Variants in MAST4 observed in about 807,000 individuals in gnomAD.
MAST4 encodes microtubule associated serine/threonine kinase family member 4.
In MAST4, 89 loss-of-function variants were observed where a neutral mutation model predicts 162.7. The ratio of observed to expected loss-of-function variants is 0.55; its 90% CI spans 0.46 to 0.65. The LOEUF is 0.65. Ranked by LOEUF, MAST4 falls within the 30% of genes least tolerant of loss-of-function variation. The pLI, the probability that MAST4 is intolerant of heterozygous loss-of-function variation, is 0.00. For missense variants in MAST4, 3,153 were observed against 3,374.0 expected (o/e 0.93, Z 1.62); for synonymous variants, 1,479 against 1,361.1 (o/e 1.09, Z -1.91).
At chr5:66,910,579 A>G (rs953420932) in intron 4 of MAST4, among the ~76,000 whole-genome samples, 1 of 152,094 alleles carries the variant, frequency 6.6e-6, no homozygotes, top group African/African-American at 2.4e-5. Flanking sequence ...CTTTTACTCC[A>G]TGTGGCCATA....
chr5:66,690,443 G>A (rs1490688885), intron 1 of MAST4, among the ~76,000 whole-genome samples: 1 of 152,156 alleles, frequency 6.6e-6, no homozygotes, highest in Non-Finnish European at 1.5e-5. Flanking sequence ...GAAAGGGCTT[G>A]CTGTATTTTT....
chr5:66,766,872 A>G (rs1279309301), intron 2 of MAST4, among the ~76,000 whole-genome samples: 1 of 152,210 alleles, frequency 6.6e-6, no homozygotes, highest in Non-Finnish European at 1.5e-5. Flanking sequence ...GCAAACCAGA[A>G]AATATCAATG....
intron 1 of MAST4, among the ~76,000 whole-genome samples, chr5:66,737,020 G>A (rs1324513978): frequency 6.6e-6 from 1 of 152,176 alleles, no homozygotes; most frequent in African/African-American, 2.4e-5. Flanking sequence ...ATATACTCAG[G>A]CCAGAGGACA....
At chr5:67,114,507 G>T (rs1489939966) in intron 12 of MAST4, 2 of 302,386 alleles carry the variant, frequency 6.6e-6, no homozygotes, top group Non-Finnish European at 1.2e-5. Flanking sequence ...TGCAATTTCA[G>T]TCTTCACTGA....
chr5:66,716,731 G>T (rs1750865966), intron 1 of MAST4, among the ~76,000 whole-genome samples: 1 of 152,174 alleles, frequency 6.6e-6, no homozygotes, highest in South Asian at 2.1e-4. Flanking sequence ...TTTCTCCAGG[G>T]CATCTGACCT....
intron 2 of MAST4, among the ~76,000 whole-genome samples, chr5:66,773,561 T>G (rs1212980904): frequency 6.6e-6 from 1 of 152,204 alleles, no homozygotes; most frequent in Non-Finnish European, 1.5e-5. Flanking sequence ...TCTCTAAAAT[T>G]CGGGTGTTGC....
chr5:67,143,265 G>GA (rs149780933), intron 21 of MAST4, among the ~76,000 whole-genome samples: 7 of 79,488 alleles, frequency 8.8e-5, no homozygotes, highest in Admixed American at 1.5e-4. Flanking sequence ...CCACAAAAAG[G>GA]AAAAAAAAAG....
chr5:66,773,364 C>A (rs1754444029), intron 2 of MAST4, among the ~76,000 whole-genome samples: 1 of 152,198 alleles, frequency 6.6e-6, no homozygotes. Flanking sequence ...AAGATAATTT[C>A]TCTATTCTTT....
At chr5:66,798,947 A>G in intron 3 of MAST4, among the ~76,000 whole-genome samples, 1 of 152,182 alleles carries the variant, frequency 6.6e-6, no homozygotes, top group Non-Finnish European at 1.5e-5. Context: ...ATAATGTTGA[A>G]CAAGTGATAC....
At chr5:66,805,990 A>G (rs144046761) in intron 3 of MAST4, among the ~76,000 whole-genome samples, 43 of 152,326 alleles carry the variant, frequency 2.8e-4, no homozygotes, top group African/African-American at 8.9e-4. Flanking sequence ...TGCTAGCGGT[A>G]GAGGTGTTCT....
At chr5:66,777,061 A>T (rs927942367) in intron 2 of MAST4, among the ~76,000 whole-genome samples, 40 of 152,204 alleles carry the variant, frequency 2.6e-4, no homozygotes, top group African/African-American at 9.6e-4. Context: ...ACCTACTATC[A>T]TCATCACTAG....
At chr5:67,062,035 A>T (rs745845153) in intron 5 of MAST4, among the ~76,000 whole-genome samples, 5 of 152,118 alleles carry the variant, frequency 3.3e-5, no homozygotes, top group African/African-American at 4.8e-5. Context: ...TATGAATTTT[A>T]GTTTGCTGGT....
At position 66,843,100 on chromosome 5, in the gene MAST4, A is replaced by G. The variant is rs74767551; in HGVS notation, c.642+54306A>G. ...TACCACTGTCTTTTAAATCTACTCC[A>G]TGTAAAATGGGGAACGATTCAAAAC... On this transcript the variant is annotated intron_variant, in intron 3 of 28. Coordinates refer to ENST00000403625, the MANE Select transcript of MAST4 (RefSeq NM_001164664.2). Among the ~76,000 whole-genome samples the G allele has an allele frequency of 5.0e-3, 767 of 152,224 alleles. 8 individuals are homozygous for G. The highest frequency in any genetic ancestry group is 0.018 in the African/African-American group (741 of 41,544).
intron 3 of MAST4, chr5:66,789,849 C>T: frequency 2.1e-6 from 1 of 476,212 alleles, no homozygotes; most frequent in Non-Finnish European, 4.2e-6. Flanking sequence ...GCCTGGATCA[C>T]TCTTTTCTAT....
intron 1 of MAST4, among the ~76,000 whole-genome samples, chr5:66,605,898 C>T (rs1201035548): frequency 1.3e-5 from 2 of 152,204 alleles, no homozygotes; most frequent in African/African-American, 4.8e-5. Flanking sequence ...CCAGAGAAAG[C>T]TTAGCCTAAG....
At chr5:66,964,012 G>T in intron 4 of MAST4, 1 of 682,102 alleles carries the variant, frequency 1.5e-6, no homozygotes, top group Non-Finnish European at 2.7e-6. Context: ...GTGTGTATAT[G>T]TGACAGTTTT....
chr5:67,107,919 A>G (rs1765778133), intron 10 of MAST4, among the ~76,000 whole-genome samples: 1 of 152,256 alleles, frequency 6.6e-6, no homozygotes, highest in South Asian at 2.1e-4. Context: ...ATACAGACAC[A>G]GGGTATCCGT....
intron 4 of MAST4, among the ~76,000 whole-genome samples, chr5:66,927,298 C>A (rs1219765082): frequency 6.6e-6 from 1 of 152,164 alleles, no homozygotes; most frequent in Non-Finnish European, 1.5e-5. Context: ...AGTTGTAATA[C>A]CTCCAGATAT....
At chr5:66,946,997 A>T (rs948103895) in intron 4 of MAST4, among the ~76,000 whole-genome samples, 2 of 152,102 alleles carry the variant, frequency 1.3e-5, no homozygotes, top group African/African-American at 4.8e-5. Flanking sequence ...AGTGCCCCCT[A>T]ATGAGATGTA....
Sources: gnomAD v4.1 joint callset for allele counts (sites outside exome capture counted in the v4.1 genomes callset) on GRCh38, gnomAD v4.1.1 for gene constraint, MANE v1.5 for transcripts, NCBI Gene and HGNC (gene_info 2026-07-23, HGNC 2026-07-21) for gene names.